Variants in NCBP2L observed in about 807,000 individuals in gnomAD.
NCBP2L encodes the protein nuclear cap-binding protein subunit 2-like.
For synonymous variants in NCBP2L, 39 were observed against 19.2 expected (o/e 2.04, Z -2.70); for missense variants, 95 against 53.1 (o/e 1.79, Z -2.45).
chrX:107,788,226 G>A (rs975798151), intron 1 of NCBP2L, among the ~76,000 whole-genome samples: 2 of 111,441 alleles, frequency 1.8e-5, no homozygotes, highest in African/African-American at 6.5e-5. Context: ...TTAACCTTTG[G>A]GGATGTTAAC....
chrX:107,787,145 T>A (rs1172694173), intron 1 of NCBP2L, among the ~76,000 whole-genome samples: 9 of 111,957 alleles, frequency 8.0e-5, no homozygotes, highest in Non-Finnish European at 9.4e-5. Context: ...GGGCCTGAGA[T>A]CCTGCATTTC....
chrX:107,785,012 A>AGAAGGAAGGAAGGAAG (rs376629064), intron 1 of NCBP2L, among the ~76,000 whole-genome samples: 16 of 101,761 alleles, frequency 1.6e-4, no homozygotes, highest in African/African-American at 6.1e-4. Flanking sequence ...AAGGAAAGAA[A>AGAAGGAAGGAAGGAAG]GAAGGAAGGA....
Position 107,781,706 on chromosome X carries a change from A to ATATATC in NCBP2L, c.-73+3852_-73+3853insTCTATA, listed in dbSNP as rs1930283837. Reference sequence around the variant, plus strand: ...TCTCTCTCTCTCTATATATATATATATATAGATCTATAGATATCTATAGAT... The same window carrying ATATATC: ...TCTCTCTCTCTCTATATATATATATATATATCTATAGATCTATAGATATCTATAGAT... On this transcript the variant is annotated intron_variant, in intron 1 of 1. Transcript: ENST00000509000. Among the ~76,000 whole-genome samples the ATATATC allele has an allele frequency of 3.8e-5, 3 of 79,397 alleles. No individual in the cohort carries two copies. The Admixed American group carries it at 4.1e-4, about 11-fold the overall frequency. 68.9% of individuals were successfully genotyped at this position (79,397 alleles called of 115,157 possible).
At chrX:107,781,692 C>CTCTCTATATATATATA (rs1395038482) in intron 1 of NCBP2L, among the ~76,000 whole-genome samples, 8 of 66,919 alleles carry the variant, frequency 1.2e-4, no homozygotes, top group East Asian at 3.8e-4. Flanking sequence ...CTCTCTCTCT[C>CTCTCTATATATATATA]TATATATATA....
At chrX:107,781,706 A>ATATATATC (rs1930283837) in intron 1 of NCBP2L, among the ~76,000 whole-genome samples, 1 of 79,397 alleles carries the variant, frequency 1.3e-5, no homozygotes, top group African/African-American at 6.2e-5. Flanking sequence ...ATATATATAT[A>ATATATATC]TATAGATCTA....
intron 1 of NCBP2L, among the ~76,000 whole-genome samples, chrX:107,779,118 G>A (rs1471878639): frequency 8.9e-6 from 1 of 111,983 alleles, no homozygotes; most frequent in Non-Finnish European, 1.9e-5. Flanking sequence ...AGAATAAAAT[G>A]TGAGACATGG....
intron 1 of NCBP2L, among the ~76,000 whole-genome samples, chrX:107,783,368 TTTTTTTTTTTTA>T (rs1239319694): frequency 9.4e-5 from 9 of 96,208 alleles, no homozygotes; most frequent in East Asian, 3.1e-4. Context: ...CTTTTTTTTT[TTTTTTTTTTTTA>T]TTTTTTATTT....
intron 1 of NCBP2L, among the ~76,000 whole-genome samples, chrX:107,789,431 C>T: frequency 9.0e-6 from 1 of 110,812 alleles, no homozygotes; most frequent in Non-Finnish European, 1.9e-5. Context: ...CCTCTATCCC[C>T]AACTGGCATT....
Position 107,794,399 on chromosome X carries a change from G to A in NCBP2L, c.179G>A (p.Ser60Asn), listed in dbSNP as rs757225631. The A allele has an allele frequency of 1.4e-5, 8 of 568,781 alleles. No individual in the cohort carries two copies. Among genetic ancestry groups the A allele is most frequent in the Non-Finnish European group, 2.6e-5 (8 of 309,254 alleles). 46.9% of individuals were successfully genotyped at this position (568,781 alleles called of 1,213,427 possible). Reference protein sequence around the residue: ...TTEEKIHELFSRSDIRNIFMG... With the variant: ...TTEEKIHELFNRSDIRNIFMG... ...GAAGAGAAAATACATGAACTCTTTAGTAGATCTGATATCAGGAATATCTTT... is the reference window on the plus strand; with the variant it reads ...GAAGAGAAAATACATGAACTCTTTAATAGATCTGATATCAGGAATATCTTT... Residue 60 changes from serine (S) to asparagine (N), a missense_variant, in exon 2 of 2, where the codon AGT becomes AAT. Transcript: ENST00000509000.
intron 1 of NCBP2L, among the ~76,000 whole-genome samples, chrX:107,782,943 G>GTA (rs750369702): frequency 0.027 from 2,826 of 104,865 alleles, 91 homozygotes; most frequent in African/African-American, 0.093. Context: ...ATACATGTGT[G>GTA]TATATATATA....
In NCBP2L at chrX:107,794,763, A is replaced by G. The variant is rs1325893408; in HGVS notation, c.*81A>G. 1 of 405,683 alleles carries G rather than the reference A, an allele frequency of 2.5e-6. No homozygotes were observed. The highest frequency in any genetic ancestry group is 2.5e-5 in the African/African-American group (1 of 40,154). 33.4% of individuals were successfully genotyped at this position (405,683 alleles called of 1,213,427 possible). On this transcript the variant is annotated 3_prime_UTR_variant, in exon 2 of 2. Coordinates refer to ENST00000509000, the MANE Select transcript of NCBP2L (RefSeq NM_001348372.2). ...CCAACCTCAAGTCTGCAAATAGCCA[A>G]TTCCAAGTTTAAATTACCTTACTTG... is the stretch of plus-strand genomic sequence containing the variant.
At chrX:107,779,794 G>A (rs1369601567) in intron 1 of NCBP2L, among the ~76,000 whole-genome samples, 9 of 85,814 alleles carry the variant, frequency 1.0e-4, no homozygotes, top group Admixed American at 2.8e-4. Flanking sequence ...GCCCAGGCTG[G>A]AGTGCAGTGG....
chrX:107,794,573 G>A lies in NCBP2L; in HGVS notation c.353G>A (p.Arg118Lys). Reference protein sequence around the residue: ...IICTDWDVGFREGQQYGRGKS... With the variant: ...IICTDWDVGFKEGQQYGRGKS... Reference sequence around the variant, plus strand: ...TGCACTGATTGGGATGTCGGTTTTAGAGAGGGTCAACAGTATGGTCGCGGT... The same window carrying A: ...TGCACTGATTGGGATGTCGGTTTTAAAGAGGGTCAACAGTATGGTCGCGGT... The change falls in exon 2 of 2, where the codon AGA (arginine) becomes AAA (lysine). Residue 118 changes from arginine (R) to lysine (K), a missense_variant. Arg to Lys is a conservative substitution (Grantham distance 26). Coordinates refer to ENST00000509000, the MANE Select transcript of NCBP2L (RefSeq NM_001348372.2). The A allele has an allele frequency of 1.8e-6, 1 of 570,058 alleles. No homozygotes were observed. Among genetic ancestry groups the A allele is most frequent in the Admixed American group, 2.2e-5 (1 of 45,189 alleles). The allele number at this position is 570,058 out of a possible 1,213,427, so 47.0% of individuals were successfully genotyped here. A position where few individuals can be genotyped will look rare whatever the true frequency, so the allele number is the denominator to read the frequency against.
At chrX:107,792,326 A>G (rs909243901) in intron 1 of NCBP2L, among the ~76,000 whole-genome samples, 5 of 101,327 alleles carry the variant, frequency 4.9e-5, no homozygotes, top group Non-Finnish European at 9.8e-5. Context: ...CTGGTAGCTT[A>G]TCTAGTAACC....
chrX:107,792,879 C>T (rs1185499355), intron 1 of NCBP2L, among the ~76,000 whole-genome samples: 1 of 112,053 alleles, frequency 8.9e-6, no homozygotes, highest in East Asian at 2.8e-4. Context: ...TCTCCCCTTC[C>T]TCCATGAATA....
chrX:107,781,692 C>CTCTCTCTATATATA (rs1395038482), intron 1 of NCBP2L, among the ~76,000 whole-genome samples: 40 of 66,907 alleles, frequency 6.0e-4, no homozygotes, highest in East Asian at 1.5e-3. Context: ...CTCTCTCTCT[C>CTCTCTCTATATATA]TATATATATA....
chrX:107,793,749 C>T (rs193027056), intron 1 of NCBP2L, among the ~76,000 whole-genome samples: 6 of 112,174 alleles, frequency 5.3e-5, no homozygotes, highest in Admixed American at 9.4e-5. Flanking sequence ...TGTACTTGTG[C>T]TTTAACATTG....
At position 107,782,222 on chromosome X, in the gene NCBP2L, AATAT is replaced by A. The variant is rs1331352315; in HGVS notation, c.-73+4374_-73+4377del. 3.5e-3 allele frequency among the ~76,000 whole-genome samples: 58 copies of A among 16,780 alleles called. 3 individuals are homozygous for A. The highest frequency in any genetic ancestry group is 0.014 in the African/African-American group (29 of 2,055). 14.6% of individuals were successfully genotyped at this position (16,780 alleles called of 115,157 possible). Reference sequence around the variant, plus strand: ...ATATATATATATAAATATATATATAAATATATATATATAAATATATATATATAAA... The same window carrying A: ...ATATATATATATAAATATATATATAAATATATATAAATATATATATATAAA... On this transcript the variant is annotated intron_variant, in intron 1 of 1. Coordinates refer to ENST00000509000, the MANE Select transcript of NCBP2L (RefSeq NM_001348372.2).
intron 1 of NCBP2L, among the ~76,000 whole-genome samples, chrX:107,779,474 C>T (rs1930236540): frequency 8.9e-6 from 1 of 111,992 alleles, no homozygotes; most frequent in African/African-American, 3.2e-5. Context: ...TTTTGTTGCC[C>T]AGGCCAGACA....
Sources: allele counts gnomAD v4.1 joint callset (sites outside exome capture counted in the v4.1 genomes callset), GRCh38; gene constraint gnomAD v4.1.1; transcripts MANE v1.5; gene names NCBI Gene and HGNC (gene_info 2026-07-23, HGNC 2026-07-21).